Variants in LPIN1 observed in about 807,000 individuals in gnomAD.
LPIN1 encodes lipin 1, also known as phosphatidate phosphatase LPIN1.
A neutral mutation model predicts 107.5 loss-of-function variants in LPIN1; 71 were observed. The observed-to-expected ratio is 0.66, with a 90% CI of 0.55 to 0.80. The LOEUF (loss-of-function observed/expected upper bound fraction) is 0.80. Ranked by LOEUF, LPIN1 falls within the 30% of genes least tolerant of loss-of-function variation. The pLI, the probability that LPIN1 is intolerant of heterozygous loss-of-function variation, is 0.00. For missense variants in LPIN1, 1,043 were observed against 1,160.6 expected (o/e 0.90, Z 1.47); for synonymous variants, 445 against 452.6 (o/e 0.98, Z 0.21).
intron 1 of LPIN1, among the ~76,000 whole-genome samples, chr2:11,694,787 G>A (rs189709955): frequency 5.9e-5 from 9 of 152,092 alleles, no homozygotes; most frequent in Admixed American, 5.9e-4. Flanking sequence ...TGTTAATTTT[G>A]TTAAAATATA....
chr2:11,702,699 G>A (rs1385744025), intron 1 of LPIN1, among the ~76,000 whole-genome samples: 1 of 152,152 alleles, frequency 6.6e-6, no homozygotes, highest in East Asian at 1.9e-4. Flanking sequence ...AGGGCAGGCT[G>A]GGTCAACCTC....
intron 3 of LPIN1, among the ~76,000 whole-genome samples, chr2:11,770,152 C>T (rs1671608469): frequency 6.6e-6 from 1 of 152,316 alleles, no homozygotes; most frequent in Non-Finnish European, 1.5e-5. Flanking sequence ...TCTATTTGTA[C>T]CTGGCTTTAG....
intron 13 of LPIN1, 127 bp from the exon 14 acceptor site, chr2:11,795,277 AGGGT>A: frequency 1.3e-6 from 1 of 758,918 alleles, no homozygotes; most frequent in South Asian, 1.4e-5. Flanking sequence ...GGCGATCGCT[AGGGT>A]GGGCGTCATT....
chr2:11,814,524 G>A (rs1680243297), intron 17 of LPIN1, among the ~76,000 whole-genome samples: 1 of 151,676 alleles, frequency 6.6e-6, no homozygotes, highest in Non-Finnish European at 1.5e-5. Flanking sequence ...GTGTGTGTGT[G>A]TGTGTGTGTG....
chr2:11,824,330 C>G (rs1266246584), intron 20 of LPIN1, among the ~76,000 whole-genome samples: 1 of 151,468 alleles, frequency 6.6e-6, no homozygotes, highest in Non-Finnish European at 1.5e-5. Flanking sequence ...TATCCCATGG[C>G]CATGGTGACT....
intron 20 of LPIN1, among the ~76,000 whole-genome samples, chr2:11,821,965 T>G (rs1421425358): frequency 3.3e-5 from 5 of 152,188 alleles, no homozygotes. Flanking sequence ...CCTTGCGGTT[T>G]CTGCCACCTC....
At chr2:11,754,226 A>C (rs1280592782) in intron 1 of LPIN1, among the ~76,000 whole-genome samples, 2 of 152,182 alleles carry the variant, frequency 1.3e-5, no homozygotes, top group Non-Finnish European at 1.5e-5. Context: ...GATAAGGGGC[A>C]CCCCATCCCA....
At chr2:11,756,065 A>G (rs1668637942) in intron 1 of LPIN1, among the ~76,000 whole-genome samples, 1 of 152,210 alleles carries the variant, frequency 6.6e-6, no homozygotes, top group African/African-American at 2.4e-5. Context: ...AGTACAAGTG[A>G]GAAAGATGAA....
chr2:11,695,041 G>C (rs1240717212), intron 1 of LPIN1, among the ~76,000 whole-genome samples: 1 of 152,194 alleles, frequency 6.6e-6, no homozygotes, highest in African/African-American at 2.4e-5. Flanking sequence ...AGGTGGTCAT[G>C]AGGCTACAGT....
At chr2:11,739,667 T>C (rs1022954473) in intron 1 of LPIN1, among the ~76,000 whole-genome samples, 7 of 152,160 alleles carry the variant, frequency 4.6e-5, no homozygotes, top group Admixed American at 2.6e-4. Context: ...TTTAAAGGAA[T>C]ATAATAAAAT....
Position 11,826,950 on chromosome 2 carries a change from C to T in LPIN1, c.*2159C>T, listed in dbSNP as rs1245704993. The stretch of plus-strand genomic sequence containing the variant: ...GCAAGGCTGGCATATTAACACCTGC[C>T]TTCTGGCTTCTGAAAGTGAGATTTG... On this transcript the variant is annotated 3_prime_UTR_variant, in exon 21 of 21. Transcript: ENST00000674199. The T allele has an allele frequency of 1.3e-5, 2 of 152,650 alleles. No homozygotes were observed. Among genetic ancestry groups the T allele is most frequent in the Non-Finnish European group, 2.9e-5 (2 of 68,048 alleles). The allele number at this position is 152,650 out of a possible 1,614,324, so 9.5% of individuals were successfully genotyped here.
chr2:11,694,644 A>G (rs1381823976), intron 1 of LPIN1, among the ~76,000 whole-genome samples: 7 of 152,300 alleles, frequency 4.6e-5, no homozygotes, highest in African/African-American at 1.4e-4. Flanking sequence ...GTGTACCCCC[A>G]TCTGCTTCCC....
intron 1 of LPIN1, among the ~76,000 whole-genome samples, chr2:11,702,899 G>A (rs1349810919): frequency 1.4e-5 from 2 of 145,812 alleles, no homozygotes; most frequent in Middle Eastern, 3.2e-3. Flanking sequence ...TCTGAGTCTC[G>A]CCATAGACTT....
upstream of LPIN1, among the ~76,000 whole-genome samples, chr2:11,723,071 A>G (rs1664268877): frequency 6.6e-6 from 1 of 152,204 alleles, no homozygotes; most frequent in Non-Finnish European, 1.5e-5. Flanking sequence ...CAAAAGAAAA[A>G]AAATCTCTTC....
intron 1 of LPIN1, among the ~76,000 whole-genome samples, chr2:11,762,232 G>A (rs542393807): frequency 6.6e-6 from 1 of 152,274 alleles, no homozygotes; most frequent in Non-Finnish European, 1.5e-5. Flanking sequence ...AGGGCAAGGC[G>A]GTGGAGGCGG....
chr2:11,686,993 CTTTTTTTTT>C (rs141927239), intron 1 of LPIN1, among the ~76,000 whole-genome samples: 1 of 85,086 alleles, frequency 1.2e-5, no homozygotes, highest in Non-Finnish European at 2.1e-5. Flanking sequence ...GCTTTTGATC[CTTTTTTTTT>C]TTTTTTTTTT....
At chr2:11,729,492 G>A (rs1179363605) in intron 1 of LPIN1, among the ~76,000 whole-genome samples, 1 of 152,162 alleles carries the variant, frequency 6.6e-6, no homozygotes, top group Non-Finnish European at 1.5e-5. Context: ...TTTAGACCTG[G>A]GATTGGTAAA....
chr2:11,680,101 G>C (rs1025777022), intron 1 of LPIN1, among the ~76,000 whole-genome samples: 1 of 152,202 alleles, frequency 6.6e-6, no homozygotes, highest in African/African-American at 2.4e-5. Flanking sequence ...CCGATGGACT[G>C]ACAGCAGTCC....
chr2:11,769,842 A>G (rs1671564018), intron 3 of LPIN1, among the ~76,000 whole-genome samples: 1 of 152,214 alleles, frequency 6.6e-6, no homozygotes, highest in Non-Finnish European at 1.5e-5. Flanking sequence ...GAAGACAGCT[A>G]TGATTAAAAA....
Sources: allele counts gnomAD v4.1 joint callset (sites outside exome capture counted in the v4.1 genomes callset), GRCh38; gene constraint gnomAD v4.1.1; transcripts MANE v1.5; gene names NCBI Gene and HGNC (gene_info 2026-07-23, HGNC 2026-07-21).